IL1RAPL1: variants seen among roughly 807,000 people sequenced by gnomAD.
IL1RAPL1 encodes interleukin 1 receptor accessory protein like 1.
Under a neutral mutation model 48.4 loss-of-function variants are expected in IL1RAPL1, and 3 were observed. The ratio of observed to expected loss-of-function variants is 0.06; its 90% CI spans 0.03 to 0.16. The LOEUF (loss-of-function observed/expected upper bound fraction) is 0.16, where lower values mean the gene tolerates loss of function less well. Among genes scored for constraint, IL1RAPL1 ranks in the 10% least tolerant of loss-of-function variants. The pLI is 1.00. For synonymous variants in IL1RAPL1, 185 were observed against 187.7 expected (o/e 0.99, Z 0.12); for missense variants, 349 against 530.6 (o/e 0.66, Z 3.36).
At chrX:29,719,011 T>G (rs1023482774) in intron 6 of IL1RAPL1, among the ~76,000 whole-genome samples, 4 of 112,309 alleles carry the variant, frequency 3.6e-5, no homozygotes, top group African/African-American at 1.3e-4. Flanking sequence ...CAAATATATT[T>G]GCTAGAACTG....
intron 1 of IL1RAPL1, among the ~76,000 whole-genome samples, chrX:28,749,642 C>G (rs1312020805): frequency 9.0e-6 from 1 of 111,421 alleles, no homozygotes; most frequent in African/African-American, 3.3e-5. Context: ...CTTATATATT[C>G]TGGATATTAA....
chrX:29,396,918 A>AC, intron 4 of IL1RAPL1, among the ~76,000 whole-genome samples: 1 of 112,061 alleles, frequency 8.9e-6, no homozygotes, highest in East Asian at 2.8e-4. Context: ...GTATAAACAT[A>AC]AACATTTTAA....
chrX:29,698,345 A>T (rs1235088972), intron 6 of IL1RAPL1, among the ~76,000 whole-genome samples: 1 of 110,266 alleles, frequency 9.1e-6, no homozygotes, highest in Admixed American at 9.7e-5. Context: ...TTTATTCAGT[A>T]TGCAGTTCTA....
intron 3 of IL1RAPL1, among the ~76,000 whole-genome samples, chrX:29,353,745 G>A (rs1283797938): frequency 9.1e-6 from 1 of 110,351 alleles, no homozygotes; most frequent in Non-Finnish European, 1.9e-5. Flanking sequence ...AATGAAAGAG[G>A]ATGAAACACT....
At chrX:29,862,941 C>T (rs185691652) in intron 6 of IL1RAPL1, among the ~76,000 whole-genome samples, 45 of 94,318 alleles carry the variant, frequency 4.8e-4, no homozygotes, top group African/African-American at 1.6e-3. Flanking sequence ...CTATGGATAC[C>T]GGATACCGAA....
At position 29,687,211 on chromosome X, in the gene IL1RAPL1, T is replaced by C. The variant is rs757578455; in HGVS notation, c.778+18707T>C. 1.8e-3 allele frequency among the ~76,000 whole-genome samples: 204 copies of C among 112,149 alleles called. 1 individual carries two copies. The highest frequency in any genetic ancestry group is 6.1e-3 in the African/African-American group (188 of 30,909). On this transcript the variant is annotated intron_variant, in intron 6 of 10. Transcript: ENST00000378993. ...GAGATATCTGCACCCCCATGTTTAT[T>C]GCAGCGCTATCCACAATAGCCTGGA...
intron 1 of IL1RAPL1, among the ~76,000 whole-genome samples, chrX:28,753,594 A>G (rs2147247246): frequency 8.9e-6 from 1 of 112,282 alleles, no homozygotes; most frequent in East Asian, 2.8e-4. Flanking sequence ...ATTCTTTTTC[A>G]AAACTTATAG....
intron 1 of IL1RAPL1, among the ~76,000 whole-genome samples, chrX:28,748,984 A>T (rs772629596): frequency 9.0e-6 from 1 of 111,691 alleles, no homozygotes; most frequent in Non-Finnish European, 1.9e-5. Context: ...AATGAGATCA[A>T]CTTTTAAAAA....
At chrX:28,666,196 G>A (rs1934877503) in intron 1 of IL1RAPL1, among the ~76,000 whole-genome samples, 1 of 112,033 alleles carries the variant, frequency 8.9e-6, no homozygotes, top group African/African-American at 3.3e-5. Flanking sequence ...CCTTTGTGCT[G>A]CTGCAGGATG....
In IL1RAPL1 at chrX:28,866,980, A is replaced by G. The variant is rs753730049; in HGVS notation, c.82+77555A>G. 3.1e-3 allele frequency among the ~76,000 whole-genome samples: 352 copies of G among 112,141 alleles called. 1 individual carries two copies. The highest frequency in any genetic ancestry group is 0.014 in the Middle Eastern group (3 of 215). On this transcript the variant is annotated intron_variant, in intron 2 of 10. Transcript: ENST00000378993. ...AGTGCAAGATTATCATCTGAGAATA[A>G]GAAGGAGGGATGGGCCACTGAGGGA... is the stretch of plus-strand genomic sequence containing the variant.
chrX:29,052,513 T>A (rs1030880646), intron 2 of IL1RAPL1, among the ~76,000 whole-genome samples: 2 of 111,419 alleles, frequency 1.8e-5, no homozygotes, highest in African/African-American at 6.5e-5. Flanking sequence ...AATGTATTCT[T>A]TCTGTCTAAC....
At chrX:29,140,059 T>A (rs1929215733) in intron 2 of IL1RAPL1, among the ~76,000 whole-genome samples, 1 of 111,089 alleles carries the variant, frequency 9.0e-6, no homozygotes, top group African/African-American at 3.3e-5. Flanking sequence ...AAGCATCCAC[T>A]CATGGTAGAA....
At chrX:29,941,167 C>T (rs1183048283) in intron 8 of IL1RAPL1, among the ~76,000 whole-genome samples, 1 of 112,063 alleles carries the variant, frequency 8.9e-6, no homozygotes, top group African/African-American at 3.2e-5. Flanking sequence ...CAGGTGACAG[C>T]TCAAGTGAGA....
At chrX:28,879,611 G>C (rs957611550) in intron 2 of IL1RAPL1, among the ~76,000 whole-genome samples, 2 of 111,579 alleles carry the variant, frequency 1.8e-5, no homozygotes, top group Non-Finnish European at 3.8e-5. Context: ...ACTAGATTTA[G>C]TAATTCTGTG....
At chrX:28,922,494 C>G (rs1321449425) in intron 2 of IL1RAPL1, among the ~76,000 whole-genome samples, 1 of 112,011 alleles carries the variant, frequency 8.9e-6, no homozygotes, top group African/African-American at 3.2e-5. Flanking sequence ...ATAGTTGTCA[C>G]TATTTTCAAT....
chrX:29,033,217 A>G (rs1049014945), intron 2 of IL1RAPL1, among the ~76,000 whole-genome samples: 4 of 111,680 alleles, frequency 3.6e-5, no homozygotes, highest in African/African-American at 1.3e-4. Flanking sequence ...TAAATATTAT[A>G]TGAGCTCTGC....
At chrX:29,076,794 G>A (rs112567179) in intron 2 of IL1RAPL1, among the ~76,000 whole-genome samples, 1 of 34,677 alleles carries the variant, frequency 2.9e-5, no homozygotes, top group Non-Finnish European at 5.4e-5. Context: ...CTGTCTGTCT[G>A]TCTGTCTGTC....
chrX:28,780,331 GTA>G lies in IL1RAPL1; in HGVS notation c.-24-8987_-24-8986del, dbSNP rs1491286395. ...ATTCTTTCAATCACAGTGTGTGTGT[GTA>G]TGTGTGTGTGTGTGTGTGTGTGTGT... On this transcript the variant is annotated intron_variant, in intron 1 of 10. Transcript: ENST00000378993. Among the ~76,000 whole-genome samples the G allele has an allele frequency of 7.4e-4, 57 of 76,572 alleles. 1 individual carries two copies. Among genetic ancestry groups the G allele is most frequent in the Middle Eastern group, 6.6e-3 (1 of 151 alleles). The allele number at this position is 76,572 out of a possible 115,157, so 66.5% of individuals were successfully genotyped here. A position where few individuals can be genotyped will look rare whatever the true frequency, so the allele number is the denominator to read the frequency against.
intron 6 of IL1RAPL1, among the ~76,000 whole-genome samples, chrX:29,815,139 G>A (rs760065248): frequency 1.2e-3 from 139 of 111,401 alleles, no homozygotes; most frequent in Middle Eastern, 9.2e-3. Context: ...AGTTTGGCAG[G>A]AATAACGCTG....
Sources: allele counts gnomAD v4.1 joint callset (sites outside exome capture counted in the v4.1 genomes callset), GRCh38; gene constraint gnomAD v4.1.1; transcripts MANE v1.5; gene names NCBI Gene and HGNC (gene_info 2026-07-23, HGNC 2026-07-21).